The following MYO3B variants were observed in gnomAD, a reference collection of about 807,000 sequenced individuals.
The protein encoded by MYO3B is myosin IIIB, also known as myosin-IIIb.
A neutral mutation model predicts 174.6 loss-of-function variants in MYO3B; 156 were observed. The ratio of observed to expected loss-of-function variants is 0.89; its 90% CI spans 0.78 to 1.02. The LOEUF is 1.02. MYO3B is among the 50% of genes least tolerant of loss of function. MYO3B has a pLI of 0.00. For synonymous variants in MYO3B, 563 were observed against 569.1 expected, an observed-to-expected ratio of 0.99 and a Z score of 0.15; for missense variants, 1,632 against 1,639.4, an observed-to-expected ratio of 1.00 and a Z score of 0.08.
intron 30 of MYO3B, among the ~76,000 whole-genome samples, chr2:170,535,611 A>G (rs537643708): frequency 4.7e-4 from 72 of 152,306 alleles, no homozygotes; most frequent in African/African-American, 1.7e-3. Flanking sequence ...CAGGATTTGT[A>G]TCTGGTTATG....
intron 30 of MYO3B, among the ~76,000 whole-genome samples, chr2:170,520,450 T>C (rs559906012): frequency 1.7e-4 from 25 of 148,770 alleles, no homozygotes; most frequent in African/African-American, 4.7e-4. Context: ...TATATACACA[T>C]ATATATATAC....
Position 170,391,629 on chromosome 2 carries a change from G to C in MYO3B, c.1676+11G>C, listed in dbSNP as rs773858981. On this transcript the variant is annotated intron_variant, in intron 15 of 34. Coordinates refer to ENST00000408978, the MANE Select transcript of MYO3B (RefSeq NM_138995.5). ...GGAAAAACCTCCTAGGTAAGTGTCA[G>C]GGGGGTTGGTTGTTAATTTTTGATG... is the stretch of plus-strand genomic sequence containing the variant. 2.7e-6 allele frequency: 4 copies of C among 1,478,792 alleles called. No individual in the cohort carries two copies. The highest frequency in any genetic ancestry group is 1.4e-5 in the African/African-American group (1 of 69,746). The allele number at this position is 1,478,792 out of a possible 1,614,324, so 91.6% of individuals were successfully genotyped here.
rs976807716 is a variant in MYO3B, at chr2:170,652,862, TC to T, written c.3888-117del. On this transcript the variant is annotated intron_variant, in intron 34 of 34. Transcript: ENST00000408978. ...CCCTGAGCTACCTAGGAGCTGTCCT[TC>T]CCCTCCAGTGTTGGAGCCCAACCCT... 8.6e-6 allele frequency: 9 copies of T among 1,050,900 alleles called. No individual in the cohort carries two copies. The African/African-American group carries it at 1.3e-4, about 15-fold the overall frequency. 65.1% of individuals were successfully genotyped at this position (1,050,900 alleles called of 1,614,324 possible). A position where few individuals can be genotyped will look rare whatever the true frequency, so the allele number is the denominator to read the frequency against.
chr2:170,495,283 T>C (rs1452178935), intron 25 of MYO3B, among the ~76,000 whole-genome samples: 1 of 152,208 alleles, frequency 6.6e-6, no homozygotes, highest in Non-Finnish European at 1.5e-5. Flanking sequence ...ACACAGGAGC[T>C]CAAAGTGATT....
intron 6 of MYO3B, among the ~76,000 whole-genome samples, chr2:170,230,365 T>TTTTTTTTTTTTTTTTTGGA (rs1559318980): frequency 1.9e-4 from 27 of 140,854 alleles, no homozygotes; most frequent in African/African-American, 7.2e-4. Context: ...TTTTTTTTAG[T>TTTTTTTTTTTTTTTTTGGA]AGAGACGGGG....
chr2:170,494,792 T>C (rs1206722269), intron 25 of MYO3B, among the ~76,000 whole-genome samples: 1 of 151,814 alleles, frequency 6.6e-6, no homozygotes, highest in Non-Finnish European at 1.5e-5. Context: ...TACGTGGATT[T>C]CTTGACATTG....
intron 14 of MYO3B, among the ~76,000 whole-genome samples, chr2:170,389,436 T>G (rs930508166): frequency 1.1e-4 from 16 of 152,188 alleles, no homozygotes; most frequent in African/African-American, 3.4e-4. Flanking sequence ...GCCATGGACA[T>G]GTACTCTGAG....
intron 7 of MYO3B, among the ~76,000 whole-genome samples, chr2:170,249,381 C>T (rs534312808): frequency 6.6e-6 from 1 of 152,324 alleles, no homozygotes; most frequent in Admixed American, 6.5e-5. Flanking sequence ...TCCACATTTC[C>T]TCTGCCCCAA....
intron 32 of MYO3B, among the ~76,000 whole-genome samples, chr2:170,566,941 G>A (rs1692110696): frequency 6.6e-6 from 1 of 152,116 alleles, no homozygotes; most frequent in South Asian, 2.1e-4. Flanking sequence ...ATCATTCTGT[G>A]CCTGAGTCAC....
At position 170,574,299 on chromosome 2, in the gene MYO3B, C is replaced by T. The variant is rs184847604; in HGVS notation, c.3733+30311C>T. On this transcript the variant is annotated intron_variant, in intron 32 of 34. Coordinates refer to ENST00000408978, the MANE Select transcript of MYO3B (RefSeq NM_138995.5). ...CTAATTGGCTTTATTTTCAGTTGGCCGTTATTTGATTTATTGAGATCGACT... is the reference window on the plus strand; with the variant it reads ...CTAATTGGCTTTATTTTCAGTTGGCTGTTATTTGATTTATTGAGATCGACT... 7.2e-5 allele frequency among the ~76,000 whole-genome samples: 11 copies of T among 151,942 alleles called. No homozygotes were observed. The East Asian group carries it at 1.2e-3, about 16-fold the overall frequency.
chr2:170,426,974 C>T (rs1011477631), intron 22 of MYO3B, among the ~76,000 whole-genome samples: 12 of 151,732 alleles, frequency 7.9e-5, no homozygotes, highest in Non-Finnish European at 1.6e-4. Context: ...GCCGAGATTG[C>T]GCCATTGCAC....
chr2:170,215,770 A>G (rs2092821566), intron 5 of MYO3B, among the ~76,000 whole-genome samples: 1 of 152,210 alleles, frequency 6.6e-6, no homozygotes, highest in Non-Finnish European at 1.5e-5. Context: ...AAGGAATGAT[A>G]TAACTCCAAT....
chr2:170,551,143 A>G (rs1457300242), intron 32 of MYO3B, among the ~76,000 whole-genome samples: 1 of 151,658 alleles, frequency 6.6e-6, no homozygotes, highest in East Asian at 1.9e-4. Context: ...CAAGTCATCC[A>G]TCTGCCTCAG....
intron 32 of MYO3B, among the ~76,000 whole-genome samples, chr2:170,621,108 C>T (rs935467956): frequency 1.3e-5 from 2 of 151,954 alleles, no homozygotes; most frequent in African/African-American, 2.4e-5. Context: ...AGGCTGGTCT[C>T]GAACTCCTGA....
chr2:170,630,430 A>G (rs554670277), intron 32 of MYO3B, among the ~76,000 whole-genome samples: 3 of 152,168 alleles, frequency 2.0e-5, no homozygotes, highest in South Asian at 2.1e-4. Flanking sequence ...CCGCAGCTCA[A>G]CGAGGCCTGC....
intron 30 of MYO3B, among the ~76,000 whole-genome samples, chr2:170,532,816 CAA>C (rs35190722): frequency 1.9e-4 from 16 of 85,270 alleles, no homozygotes; most frequent in Non-Finnish European, 1.4e-4. Context: ...AACTCTGTCT[CAA>C]AAAAAAAAAA....
intron 7 of MYO3B, among the ~76,000 whole-genome samples, chr2:170,252,762 G>C (rs973472620): frequency 6.6e-6 from 1 of 152,196 alleles, no homozygotes; most frequent in Non-Finnish European, 1.5e-5. Flanking sequence ...CTGAGAGAAG[G>C]CTTCTCTGAT....
At chr2:170,567,123 A>G (rs1400378739) in intron 32 of MYO3B, among the ~76,000 whole-genome samples, 2 of 152,196 alleles carry the variant, frequency 1.3e-5, no homozygotes, top group African/African-American at 4.8e-5. Context: ...AATTGTTATG[A>G]AGAGGATGTC....
At chr2:170,651,418 T>C (rs1699003525) in intron 32 of MYO3B, among the ~76,000 whole-genome samples, 1 of 152,232 alleles carries the variant, frequency 6.6e-6, no homozygotes, top group African/African-American at 2.4e-5. Context: ...GAAAGCTGAA[T>C]GCAAAGTTAC....
Sources: gnomAD v4.1 joint callset for allele counts (sites outside exome capture counted in the v4.1 genomes callset) on GRCh38, gnomAD v4.1.1 for gene constraint, MANE v1.5 for transcripts, NCBI Gene and HGNC (gene_info 2026-07-23, HGNC 2026-07-21) for gene names.